CADPS: variants seen among roughly 807,000 people sequenced by gnomAD.
CADPS encodes the protein calcium-dependent secretion activator 1.
CADPS carries 57 observed loss-of-function variants against 167.3 expected under a neutral mutation model. The observed-to-expected ratio is 0.34, with a 90% CI of 0.28 to 0.42. The LOEUF is 0.42. Ranked by LOEUF, CADPS falls within the 20% of genes least tolerant of loss-of-function variation. The probability of loss-of-function intolerance (pLI) is 1.00; values close to 1 mark genes in which losing one functional copy is unlikely to be tolerated. For missense variants in CADPS, 1,414 were observed against 1,738.1 expected (o/e 0.81, Z 3.32); for synonymous variants, 676 against 635.3 (o/e 1.06, Z -0.96).
intron 11 of CADPS, among the ~76,000 whole-genome samples, chr3:62,546,468 G>A (rs73104958): frequency 2.6e-5 from 4 of 152,064 alleles, no homozygotes; most frequent in East Asian, 1.9e-4. Flanking sequence ...CATGTGTAAG[G>A]CTTGATCTAT....
At chr3:62,662,201 C>G in intron 4 of CADPS, 113 bp downstream of exon 4, 1 of 926,096 alleles carries the variant, frequency 1.1e-6, no homozygotes, top group Non-Finnish European at 1.8e-6. Context: ...TTGTCCTCAT[C>G]TTCCCTCCTC....
Position 62,580,866 on chromosome 3 carries a change from C to T in CADPS, c.1577+4319G>A, listed in dbSNP as rs1349124175. On this transcript the variant is annotated intron_variant, in intron 8 of 29. Transcript: ENST00000383710. ...TCAATGGATCTCTGACCTAAATAGA[C>T]ATAAAATTTCCCTGATGTTCTTATT... Among the ~76,000 whole-genome samples the T allele has an allele frequency of 2.6e-5, 4 of 152,280 alleles. No individual in the cohort carries two copies. In the East Asian group the frequency reaches 7.7e-4, roughly 29 times the overall value.
chr3:62,586,941 G>A (rs766121372), intron 7 of CADPS, among the ~76,000 whole-genome samples: 1 of 152,146 alleles, frequency 6.6e-6, no homozygotes, highest in African/African-American at 2.4e-5. Flanking sequence ...TATCTTTAAG[G>A]TACCACATAT....
Position 62,474,285 on chromosome 3 carries a change from G to T in CADPS, c.3365C>A (p.Thr1122Asn), listed in dbSNP as rs151301388. 1.2e-5 allele frequency: 19 copies of T among 1,611,538 alleles called. No homozygotes were observed. Among genetic ancestry groups the T allele is most frequent in the Non-Finnish European group, 1.6e-5 (19 of 1,179,520 alleles). ...RIAFEVKLQKTSRSTDFRVPQ... is the reference protein window; with the variant it reads ...RIAFEVKLQKNSRSTDFRVPQ... ...GACTCGAAAATCTGTTGATCGACTGGTTTTTTGCAGCTTAACTTCAAATGC... is the reference window on the plus strand; with the variant it reads ...GACTCGAAAATCTGTTGATCGACTGTTTTTTTGCAGCTTAACTTCAAATGC... Residue 1122 changes from threonine to asparagine, a missense_variant, in exon 24 of 30, where the codon ACC (threonine) becomes AAC (asparagine). Physicochemically the swap from Thr to Asn is moderately conservative, Grantham distance 65 (BLOSUM62 0). Coordinates refer to ENST00000383710, the MANE Select transcript of CADPS (RefSeq NM_003716.4).
At chr3:62,613,956 C>T (rs1347876222) in intron 6 of CADPS, among the ~76,000 whole-genome samples, 1 of 152,098 alleles carries the variant, frequency 6.6e-6, no homozygotes, top group East Asian at 1.9e-4. Context: ...TCTGTGCTCC[C>T]CGAGTGACTG....
intron 28 of CADPS, among the ~76,000 whole-genome samples, chr3:62,406,652 A>G (rs1708613107): frequency 6.6e-6 from 1 of 152,194 alleles, no homozygotes; most frequent in Non-Finnish European, 1.5e-5. Context: ...TGCTAAATAA[A>G]GCTACTTTAA....
intron 3 of CADPS, among the ~76,000 whole-genome samples, chr3:62,751,723 T>C (rs2082749457): frequency 6.6e-6 from 1 of 152,184 alleles, no homozygotes; most frequent in Non-Finnish European, 1.5e-5. Context: ...GCCTGGCCTA[T>C]CTTGTAATTC....
rs936019297 is a variant in CADPS at position 62,420,793 on chromosome 3, G to A, written c.3777+17311C>T. Among the ~76,000 whole-genome samples, 2 of 151,518 alleles carry A rather than the reference G, an allele frequency of 1.3e-5. No individual in the cohort carries two copies. Among genetic ancestry groups the A allele is most frequent in the South Asian group, 2.1e-4 (1 of 4,806 alleles). On this transcript the variant is annotated intron_variant, in intron 28 of 29. Transcript: ENST00000383710. This position sits in a 1 kb window ranked among gnomAD's most constrained non-coding sequence, Gnocchi z 4.1. Reference sequence around the variant, plus strand: ...GCTTTATTTTTACTCTCAGGAAACCGTATTCTCCTCTTTCTACTTCTCACT... The same window carrying A: ...GCTTTATTTTTACTCTCAGGAAACCATATTCTCCTCTTTCTACTTCTCACT...
intron 3 of CADPS, among the ~76,000 whole-genome samples, chr3:62,698,668 C>T (rs1201287443): frequency 6.7e-6 from 1 of 150,210 alleles, no homozygotes; most frequent in Non-Finnish European, 1.5e-5. Context: ...TATTCTTTTC[C>T]TCCTCCTCCT....
chr3:62,456,444 G>T (rs2058687269), intron 26 of CADPS, among the ~76,000 whole-genome samples: 2 of 152,182 alleles, frequency 1.3e-5, no homozygotes, highest in Admixed American at 1.3e-4. Flanking sequence ...GCCTGCTAAG[G>T]GTCCTGAGCC....
At chr3:62,684,474 T>C (rs144573888) in intron 3 of CADPS, among the ~76,000 whole-genome samples, 67 of 152,128 alleles carry the variant, frequency 4.4e-4, no homozygotes, top group Middle Eastern at 3.4e-3. Flanking sequence ...GAGAAGGATA[T>C]TGCAAACTAA....
rs59057183 is a variant in CADPS at position 62,642,915 on chromosome 3, G to GACAAAACAAAACAAA, written c.1325+2792_1325+2806dup. ...GACAGAGTAAGACCCTATCTCAAAA[G>GACAAAACAAAACAAA]ACAAAACAAAACAAAACAAAACAAA... is the stretch of plus-strand genomic sequence containing the variant. On this transcript the variant is annotated intron_variant, in intron 6 of 29. Coordinates refer to ENST00000383710, the MANE Select transcript of CADPS (RefSeq NM_003716.4). Among the ~76,000 whole-genome samples the GACAAAACAAAACAAA allele has an allele frequency of 7.4e-4, 108 of 146,884 alleles. 1 individual carries two copies. The highest frequency in any genetic ancestry group is 4.3e-3 in the South Asian group (19 of 4,450).
At chr3:62,461,785 C>T (rs1016606192) in intron 26 of CADPS, among the ~76,000 whole-genome samples, 1 of 152,090 alleles carries the variant, frequency 6.6e-6, no homozygotes, top group Non-Finnish European at 1.5e-5. Context: ...AGTTTATGTC[C>T]TGTGGAAATG....
chr3:62,747,003 T>C (rs2081601817), intron 3 of CADPS, among the ~76,000 whole-genome samples: 1 of 152,140 alleles, frequency 6.6e-6, no homozygotes, highest in Non-Finnish European at 1.5e-5. Flanking sequence ...TATAAAGTCA[T>C]TGAGAGGTGT....
chr3:62,553,554 C>G (rs1260939170), intron 10 of CADPS, among the ~76,000 whole-genome samples: 5 of 152,152 alleles, frequency 3.3e-5, no homozygotes, highest in African/African-American at 1.2e-4. Flanking sequence ...GCTGGGCCCT[C>G]ACTAACAGCT....
rs3047304 is a variant in CADPS at position 62,870,658 on chromosome 3, GCA to G, written c.441+3929_441+3930del. 2.7e-3 allele frequency among the ~76,000 whole-genome samples: 416 copies of G among 152,262 alleles called. 2 individuals are homozygous for G. The highest frequency in any genetic ancestry group is 9.4e-3 in the African/African-American group (391 of 41,568). On this transcript the variant is annotated intron_variant, in intron 1 of 29. Transcript: ENST00000383710. ...AAGGATTACCCTTTTCCCCCATCAT[GCA>G]CAGACACACATGTACACTATACCTA... is the stretch of plus-strand genomic sequence containing the variant.
chr3:62,861,846 A>G (rs1182381210), intron 1 of CADPS, among the ~76,000 whole-genome samples: 1 of 152,180 alleles, frequency 6.6e-6, no homozygotes, highest in African/African-American at 2.4e-5. Context: ...GTCTGTTCAT[A>G]TGTCCTCAAA....
At chr3:62,842,811 A>T (rs2076836573) in intron 1 of CADPS, among the ~76,000 whole-genome samples, 1 of 152,192 alleles carries the variant, frequency 6.6e-6, no homozygotes, top group Admixed American at 6.5e-5. Flanking sequence ...ATGCTGAATG[A>T]TGCTTCAAAT....
chr3:62,804,307 T>A (rs2093955138), intron 1 of CADPS, among the ~76,000 whole-genome samples: 1 of 151,972 alleles, frequency 6.6e-6, no homozygotes, highest in Non-Finnish European at 1.5e-5. Context: ...ATGAAACACA[T>A]AGTGAGGACT....
Sources: gnomAD v4.1 joint callset for allele counts (sites outside exome capture counted in the v4.1 genomes callset) on GRCh38, gnomAD v4.1.1 for gene constraint, Gnocchi (gnomAD v3.1) non-coding constraint, MANE v1.5 for transcripts, NCBI Gene and HGNC (gene_info 2026-07-23, HGNC 2026-07-21) for gene names.